The following GAGE1 variants were observed in gnomAD, a reference collection of about 807,000 sequenced individuals.
The protein encoded by GAGE1 is G antigen 4.
GAGE1 carries 5 observed loss-of-function variants against 5.0 expected under a neutral mutation model. That is an observed-to-expected ratio of 1.00 (90% CI 0.52 to 2.11). The LOEUF (loss-of-function observed/expected upper bound fraction) is 2.11, where lower values mean the gene tolerates loss of function less well. GAGE1 is among the 30% of genes most tolerant of loss of function. GAGE1 has a pLI of 0.01. For synonymous variants in GAGE1, 6 were observed against 14.8 expected, an observed-to-expected ratio of 0.40 and a Z score of 1.37; for missense variants, 9 against 38.9, an observed-to-expected ratio of 0.23 and a Z score of 2.04.
intron 4 of GAGE1, among the ~76,000 whole-genome samples, chrX:49,604,121 G>C (rs187821043): frequency 6.2e-5 from 7 of 112,635 alleles, no homozygotes; most frequent in African/African-American, 2.3e-4. Context: ...TGAAATTGCC[G>C]GGATTACAGG....
Position 49,608,192 on chromosome X carries a change from C to G in GAGE1, c.*2177C>G, listed in dbSNP as rs998330895. 3.6e-5 allele frequency: 4 copies of G among 111,703 alleles called. No homozygotes were observed. Among genetic ancestry groups the G allele is most frequent in the Non-Finnish European group, 7.5e-5 (4 of 53,210 alleles). 9.2% of individuals were successfully genotyped at this position (111,703 alleles called of 1,213,427 possible). On this transcript the variant is annotated 3_prime_UTR_variant, in exon 5 of 5. Coordinates refer to ENST00000381700, the MANE Select transcript of GAGE1 (RefSeq NM_001040663.4). ...ATCTACCAAAATGTGGCACACAAACCTTGCATGGTGTCTCTAGGGCCTCCT... is the reference window on the plus strand; with the variant it reads ...ATCTACCAAAATGTGGCACACAAACGTTGCATGGTGTCTCTAGGGCCTCCT...
At chrX:49,604,782 G>T (rs3747319) in intron 4 of GAGE1, among the ~76,000 whole-genome samples, 8,148 of 111,489 alleles carry the variant, frequency 0.073, 312 homozygotes, top group South Asian at 0.23. Flanking sequence ...GTAAGATCTT[G>T]TGAAATTGTG....
chrX:49,605,033 C>G (rs140103468), intron 4 of GAGE1: 4 of 1,020,488 alleles, frequency 3.9e-6, no homozygotes, highest in African/African-American at 1.9e-5. Flanking sequence ...GACTGGGATT[C>G]TCTGGCTTTT....
At position 49,607,634 on chromosome X, in the gene GAGE1, A is replaced by T. The variant is rs1274115566; in HGVS notation, c.*1619A>T. 1 of 110,814 alleles carries T rather than the reference A, an allele frequency of 9.0e-6. No individual in the cohort carries two copies. Among genetic ancestry groups the T allele is most frequent in the African/African-American group, 3.3e-5 (1 of 30,448 alleles). The allele number at this position is 110,814 out of a possible 1,213,427, so 9.1% of individuals were successfully genotyped here. A position where few individuals can be genotyped will look rare whatever the true frequency, so the allele number is the denominator to read the frequency against. On this transcript the variant is annotated 3_prime_UTR_variant, in exon 5 of 5. Transcript: ENST00000381700. ...TTTGTGAGGGTCGCGTTCTCTGAAG[A>T]TGCCTCTTCAATTTGAAAGCTATCT...
In GAGE1 at chrX:49,606,123, T is replaced by G; in HGVS notation, c.*108T>G. 2.2e-6 allele frequency: 1 copy of G among 452,180 alleles called. No homozygotes were observed. The allele number at this position is 452,180 out of a possible 1,213,427, so 37.3% of individuals were successfully genotyped here. On this transcript the variant is annotated 3_prime_UTR_variant, in exon 5 of 5. Coordinates refer to ENST00000381700, the MANE Select transcript of GAGE1 (RefSeq NM_001040663.4). ...TTCTGCAAAGAAGTCTTGTGAATCT[T>G]TTGTCAATTTTATTTCTAGCTATTT...
intron 4 of GAGE1, among the ~76,000 whole-genome samples, chrX:49,605,726 C>T (rs1192681676): frequency 1.8e-5 from 2 of 110,376 alleles, no homozygotes; most frequent in South Asian, 3.9e-4. Context: ...GTGGCTAACA[C>T]GGTGAAACCC....
rs1303731085 is a variant in GAGE1, at chrX:49,604,475, G to T, written c.331+682G>T. Among the ~76,000 whole-genome samples, 14 of 112,331 alleles carry T rather than the reference G, an allele frequency of 1.2e-4. No individual in the cohort carries two copies. The East Asian group carries it at 3.9e-3, about 31-fold the overall frequency. On this transcript the variant is annotated intron_variant, in intron 4 of 4. Coordinates refer to ENST00000381700, the MANE Select transcript of GAGE1 (RefSeq NM_001040663.4). The stretch of plus-strand genomic sequence containing the variant: ...ATATCAGCTCTTACAGCCTTGGTGA[G>T]ATTCTGAGTGAGTCCTTTCACTTCT...
chrX:49,604,950 T>G (rs1557131851), intron 4 of GAGE1: 5 of 601,358 alleles, frequency 8.3e-6, no homozygotes, highest in Non-Finnish European at 1.2e-5. Context: ...TGGAACTACA[T>G]GCACAAGCCA....
intron 4 of GAGE1, among the ~76,000 whole-genome samples, chrX:49,604,268 C>G (rs782093055): frequency 1.8e-5 from 2 of 112,657 alleles, no homozygotes; most frequent in South Asian, 3.7e-4. Context: ...GATAGACTTT[C>G]AGATAGGGAA....
At chrX:49,602,340 A>G (rs2147103026) in intron 3 of GAGE1, among the ~76,000 whole-genome samples, 1 of 84,691 alleles carries the variant, frequency 1.2e-5, no homozygotes, top group African/African-American at 3.4e-5. Context: ...ATTTTGTACC[A>G]CAATTGGAAA....
At chrX:49,604,120 C>T (rs1387296851) in intron 4 of GAGE1, among the ~76,000 whole-genome samples, 1 of 112,553 alleles carries the variant, frequency 8.9e-6, no homozygotes, top group Non-Finnish European at 1.9e-5. Context: ...TTGAAATTGC[C>T]GGGATTACAG....
At chrX:49,605,026 T>A (rs781991086) in intron 4 of GAGE1, 23 of 1,018,982 alleles carry the variant, frequency 2.3e-5, no homozygotes, top group Admixed American at 1.2e-4. Context: ...TTGCCCAGAC[T>A]GGGATTCTCT....
chrX:49,603,984 C>T (rs1452091343), intron 4 of GAGE1, among the ~76,000 whole-genome samples, 191 bp downstream of exon 4: 3 of 113,062 alleles, frequency 2.7e-5, no homozygotes, highest in Non-Finnish European at 3.7e-5. Flanking sequence ...TCTGGCGGAG[C>T]CGGGGTTACA....
chrX:49,606,228 T>C lies in GAGE1; in HGVS notation c.*213T>C. On this transcript the variant is annotated 3_prime_UTR_variant, in exon 5 of 5. Coordinates refer to ENST00000381700, the MANE Select transcript of GAGE1 (RefSeq NM_001040663.4). The stretch of plus-strand genomic sequence containing the variant: ...TGTGTAGAGGCATAATTCTCATGTA[T>C]TGATTTTCTATCCAGCAACCTTGTT... 1 of 243,542 alleles carries C rather than the reference T, an allele frequency of 4.1e-6. No individual in the cohort carries two copies. Among genetic ancestry groups the C allele is most frequent in the South Asian group, 2.5e-4 (1 of 3,965 alleles). 20.1% of individuals were successfully genotyped at this position (243,542 alleles called of 1,213,427 possible).
Position 49,607,948 on chromosome X carries a change from A to G in GAGE1, c.*1933A>G, listed in dbSNP as rs1557132392. 1 of 111,870 alleles carries G rather than the reference A, an allele frequency of 8.9e-6. No homozygotes were observed. Among genetic ancestry groups the G allele is most frequent in the Non-Finnish European group, 1.9e-5 (1 of 53,251 alleles). 9.2% of individuals were successfully genotyped at this position (111,870 alleles called of 1,213,427 possible). On this transcript the variant is annotated 3_prime_UTR_variant, in exon 5 of 5. Transcript: ENST00000381700. ...CAAGATAAGGCAGAATTTTCATGAA[A>G]TTGATGACTGACTCCAGTAAGAAGC... is the stretch of plus-strand genomic sequence containing the variant.
chrX:49,605,001 T>G, intron 4 of GAGE1: 15 of 974,804 alleles, frequency 1.5e-5, no homozygotes, highest in African/African-American at 1.9e-5. Flanking sequence ...TTTGTAGAGA[T>G]GAGGTCTCAC....
intron 4 of GAGE1, among the ~76,000 whole-genome samples, chrX:49,604,320 A>G (rs369287721): frequency 3.3e-4 from 37 of 112,614 alleles, no homozygotes; most frequent in Non-Finnish European, 5.8e-4. Context: ...AGTTTTGAGT[A>G]TAAATCCTCA....
In GAGE1 at chrX:49,606,876, CTG is replaced by C. The variant is rs1323513650; in HGVS notation, c.*863_*864del. On this transcript the variant is annotated 3_prime_UTR_variant, in exon 5 of 5. Transcript: ENST00000381700. ...AAAACATTTTGCTTCATGTTTGATT[CTG>C]TATGTTGAAAACTGAAATCATCTAT... 8.9e-6 allele frequency: 1 copy of C among 112,293 alleles called. No individual in the cohort carries two copies. Among genetic ancestry groups the C allele is most frequent in the Admixed American group, 9.5e-5 (1 of 10,550 alleles). 9.3% of individuals were successfully genotyped at this position (112,293 alleles called of 1,213,427 possible).
chrX:49,605,000 A>G (rs1469492873), intron 4 of GAGE1: 2 of 971,730 alleles, frequency 2.1e-6, no homozygotes, highest in Non-Finnish European at 2.7e-6. Flanking sequence ...TTTTGTAGAG[A>G]TGAGGTCTCA....
Sources: allele counts gnomAD v4.1 joint callset (sites outside exome capture counted in the v4.1 genomes callset), GRCh38; gene constraint gnomAD v4.1.1; transcripts MANE v1.5; gene names NCBI Gene and HGNC (gene_info 2026-07-23, HGNC 2026-07-21).